GLRA3: variants seen among roughly 807,000 people sequenced by gnomAD.
The protein encoded by GLRA3 is glycine receptor alpha 3, also known as glycine receptor subunit alpha-3.
Under a neutral mutation model 60.4 loss-of-function variants are expected in GLRA3, and 44 were observed. That is an observed-to-expected ratio of 0.73 (90% CI 0.57 to 0.94). The LOEUF is 0.94. Ranked by LOEUF, GLRA3 falls within the 40% of genes least tolerant of loss-of-function variation. GLRA3 has a pLI of 0.00. For synonymous variants in GLRA3, 223 were observed against 192.9 expected, an observed-to-expected ratio of 1.16 and a Z score of -1.29; for missense variants, 508 against 564.6, an observed-to-expected ratio of 0.90 and a Z score of 1.02.
chr4:174,651,996 C>A (rs1733036858), intron 9 of GLRA3, among the ~76,000 whole-genome samples: 1 of 151,818 alleles, frequency 6.6e-6, no homozygotes, highest in African/African-American at 2.4e-5. Flanking sequence ...GACCATGAGC[C>A]CCTGGACCTT....
chr4:174,651,537 A>T (rs892658813), intron 9 of GLRA3, among the ~76,000 whole-genome samples: 24 of 152,166 alleles, frequency 1.6e-4, no homozygotes, highest in African/African-American at 4.8e-4. Context: ...AATACAAATA[A>T]CAACTTGAAT....
At chr4:174,764,346 A>G (rs545658910) in intron 3 of GLRA3, among the ~76,000 whole-genome samples, 1 of 152,248 alleles carries the variant, frequency 6.6e-6, no homozygotes, top group Non-Finnish European at 1.5e-5. Flanking sequence ...AAGACATTGA[A>G]GACAGTTAAG....
At chr4:174,686,165 G>T (rs926532498) in intron 5 of GLRA3, among the ~76,000 whole-genome samples, 1 of 152,162 alleles carries the variant, frequency 6.6e-6, no homozygotes, top group Non-Finnish European at 1.5e-5. Context: ...ATGGTTGGGG[G>T]CAATTCCTTT....
intron 5 of GLRA3, among the ~76,000 whole-genome samples, chr4:174,691,396 G>A (rs531443980): frequency 3.8e-4 from 58 of 151,616 alleles, no homozygotes; most frequent in Non-Finnish European, 6.5e-4. Flanking sequence ...CTCTCCCCAC[G>A]GTCTCCCTCT....
chr4:174,820,131 C>T (rs2200458), intron 1 of GLRA3, among the ~76,000 whole-genome samples: 1 of 151,956 alleles, frequency 6.6e-6, no homozygotes, highest in Non-Finnish European at 1.5e-5. Flanking sequence ...TAAGGCATAA[C>T]TGAGTAAGAA....
At chr4:174,651,484 A>T (rs921871348) in intron 9 of GLRA3, among the ~76,000 whole-genome samples, 2 of 152,158 alleles carry the variant, frequency 1.3e-5, no homozygotes, top group Admixed American at 1.3e-4. Flanking sequence ...TTTGAGTGTA[A>T]TATTACATTA....
intron 2 of GLRA3, among the ~76,000 whole-genome samples, chr4:174,776,483 T>C (rs972826107): frequency 1.3e-5 from 2 of 151,268 alleles, no homozygotes; most frequent in Non-Finnish European, 2.9e-5. Flanking sequence ...CAACAAATCA[T>C]TGGGCAGAGA....
intron 2 of GLRA3, among the ~76,000 whole-genome samples, chr4:174,783,808 A>T (rs1211101247): frequency 6.6e-6 from 1 of 152,100 alleles, no homozygotes; most frequent in African/African-American, 2.4e-5. Flanking sequence ...ATCATTAAAA[A>T]GTCAGGAATC....
rs1308726543 is a variant in GLRA3, at chr4:174,746,135, C to CT, written c.268-17438dup. ...ACTACCACACAATCCAGCAATCTTACTACTGGGTATCTATCCAAAGGAAAA... is the reference window on the plus strand; with the variant it reads ...ACTACCACACAATCCAGCAATCTTACTTACTGGGTATCTATCCAAAGGAAAA... On this transcript the variant is annotated intron_variant, in intron 3 of 9. Coordinates refer to ENST00000274093, the MANE Select transcript of GLRA3 (RefSeq NM_006529.4). 1.3e-5 allele frequency among the ~76,000 whole-genome samples: 2 copies of CT among 152,132 alleles called. 1 individual carries two copies. The highest frequency in any genetic ancestry group is 1.3e-4 in the Admixed American group (2 of 15,268).
chr4:174,751,239 C>A (rs1431778972), intron 3 of GLRA3, among the ~76,000 whole-genome samples: 1 of 151,962 alleles, frequency 6.6e-6, no homozygotes, highest in African/African-American at 2.4e-5. Context: ...GTAAATTTCA[C>A]AAAGAATTTG....
intron 3 of GLRA3, among the ~76,000 whole-genome samples, chr4:174,748,571 C>A (rs1232330917): frequency 2.0e-5 from 3 of 152,022 alleles, no homozygotes; most frequent in Non-Finnish European, 4.4e-5. Flanking sequence ...AAAAGGACTT[C>A]AGGATTTGAT....
At chr4:174,675,319 C>T (rs1259021272) in intron 7 of GLRA3, among the ~76,000 whole-genome samples, 1 of 152,110 alleles carries the variant, frequency 6.6e-6, no homozygotes, top group Non-Finnish European at 1.5e-5. Context: ...ACAAAGCAGT[C>T]CTAGACATTC....
intron 3 of GLRA3, among the ~76,000 whole-genome samples, chr4:174,751,074 T>C (rs1561095105): frequency 6.7e-6 from 1 of 148,650 alleles, no homozygotes. Flanking sequence ...TATCTATCTA[T>C]CTATCTATCT....
At chr4:174,802,190 T>A (rs1318036861) in intron 1 of GLRA3, among the ~76,000 whole-genome samples, 6 of 151,858 alleles carry the variant, frequency 4.0e-5, no homozygotes, top group Non-Finnish European at 5.9e-5. Flanking sequence ...AAGTTAGGAG[T>A]GATGCTGATG....
intron 1 of GLRA3, among the ~76,000 whole-genome samples, chr4:174,795,339 T>C (rs1994314): frequency 0.26 from 39,676 of 151,940 alleles, 5,491 homozygotes; most frequent in Non-Finnish European, 0.29. Flanking sequence ...GTCCCATTAT[T>C]TTTTTCTATT....
rs569354241 is a variant in GLRA3, at chr4:174,791,589, A to G, written c.72-2646T>C. On this transcript the variant is annotated intron_variant, in intron 1 of 9. Transcript: ENST00000274093. ...ATTATTTCCTTTTTGGTGGGACACTATCATACTTTCTTTTTAGCTCTTTGT... is the reference window on the plus strand; with the variant it reads ...ATTATTTCCTTTTTGGTGGGACACTGTCATACTTTCTTTTTAGCTCTTTGT... Among the ~76,000 whole-genome samples the G allele has an allele frequency of 1.2e-4, 18 of 152,286 alleles. No individual in the cohort carries two copies. In the South Asian group the frequency reaches 3.7e-3, roughly 32 times the overall value.
intron 3 of GLRA3, among the ~76,000 whole-genome samples, chr4:174,750,051 A>G (rs115345214): frequency 1.3e-5 from 2 of 152,106 alleles, no homozygotes; most frequent in East Asian, 1.9e-4. Flanking sequence ...TCAACCTTCC[A>G]TCACTGCCCT....
intron 3 of GLRA3, among the ~76,000 whole-genome samples, chr4:174,729,232 T>G (rs1419415951): frequency 6.6e-6 from 1 of 152,240 alleles, no homozygotes; most frequent in Admixed American, 6.5e-5. Flanking sequence ...AGATATTTTC[T>G]TCTTTGCATT....
intron 5 of GLRA3, among the ~76,000 whole-genome samples, chr4:174,698,790 T>C (rs1007764717): frequency 6.6e-6 from 1 of 152,168 alleles, no homozygotes; most frequent in African/African-American, 2.4e-5. Context: ...TATTGCAATA[T>C]ATTTATTGAA....
Sources: allele counts gnomAD v4.1 joint callset (sites outside exome capture counted in the v4.1 genomes callset), GRCh38; gene constraint gnomAD v4.1.1; transcripts MANE v1.5; gene names NCBI Gene and HGNC (gene_info 2026-07-23, HGNC 2026-07-21).